Variants in CFAP20DC observed in about 807,000 individuals in gnomAD.
CFAP20DC encodes the protein CFAP20 domain containing.
Under a neutral mutation model 101.7 loss-of-function variants are expected in CFAP20DC, and 84 were observed. The ratio of observed to expected loss-of-function variants is 0.83; its 90% confidence interval spans 0.69 to 0.99. The LOEUF (loss-of-function observed/expected upper bound fraction) is 0.99, where lower values mean the gene tolerates loss of function less well. Among genes scored for constraint, CFAP20DC ranks in the 50% least tolerant of loss-of-function variants. The pLI, the probability that CFAP20DC is intolerant of heterozygous loss-of-function variation, is 0.00. For missense variants in CFAP20DC, 1,007 were observed against 970.3 expected, an observed-to-expected ratio of 1.04 and a Z score of -0.50; for synonymous variants, 359 against 351.2, an observed-to-expected ratio of 1.02 and a Z score of -0.25.
chr3:58,837,706 T>C (rs888216561), intron 13 of CFAP20DC, among the ~76,000 whole-genome samples: 1 of 152,192 alleles, frequency 6.6e-6, no homozygotes, highest in Non-Finnish European at 1.5e-5. Flanking sequence ...AGAGTCAGTA[T>C]CACTGGTGGT....
intron 16 of CFAP20DC, among the ~76,000 whole-genome samples, chr3:58,744,373 C>T (rs548316012): frequency 1.3e-5 from 2 of 152,198 alleles, no homozygotes; most frequent in East Asian, 1.9e-4. Context: ...TCTATTCAGT[C>T]GGACCTTGAT....
rs1409380061 is a variant in CFAP20DC at position 58,935,157 on chromosome 3, T to C, written c.393+2491A>G. 8.5e-5 allele frequency among the ~76,000 whole-genome samples: 13 copies of C among 152,286 alleles called. No individual in the cohort carries two copies. The East Asian group carries it at 1.5e-3, about 18-fold the overall frequency. ...GACAATCAGAGAGCCAAATCATGAGTGAACTCCCATTCACAATTGCTTCAA... is the reference window on the plus strand; with the variant it reads ...GACAATCAGAGAGCCAAATCATGAGCGAACTCCCATTCACAATTGCTTCAA... On this transcript the variant is annotated intron_variant, in intron 5 of 16. Transcript: ENST00000482387.
In CFAP20DC at chr3:58,884,588, A is replaced by T; in HGVS notation, c.672T>A (p.Thr224=). 1 of 1,613,982 alleles carries T rather than the reference A, an allele frequency of 6.2e-7. No individual in the cohort carries two copies. Among genetic ancestry groups the T allele is most frequent in the Non-Finnish European group, 8.5e-7 (1 of 1,179,910 alleles). Residue 224 remains threonine, a synonymous_variant, in exon 7 of 17, where the codon ACT becomes ACA. Coordinates refer to ENST00000482387, the MANE Select transcript of CFAP20DC (RefSeq NM_001394063.1). ...GAGGATGGCCTCCGAATTTTATTTC[A>T]GTTTGGCGAAGTTTAGTCATGTTTA... ...QLLNMTKLRQ[T]EIKFGGHPLR... is the part of the protein sequence containing the mutation.
chr3:58,989,457 A>G (rs986636831), intron 4 of CFAP20DC, among the ~76,000 whole-genome samples: 1 of 152,150 alleles, frequency 6.6e-6, no homozygotes, highest in Non-Finnish European at 1.5e-5. Context: ...AGTATTCAAT[A>G]TCACTGAAGT....
At chr3:58,818,686 A>G (rs2107877955) in intron 14 of CFAP20DC, among the ~76,000 whole-genome samples, 1 of 130,582 alleles carries the variant, frequency 7.7e-6, no homozygotes, top group Admixed American at 8.0e-5. Flanking sequence ...CCACACATTA[A>G]TAATGGGAGA....
intron 5 of CFAP20DC, among the ~76,000 whole-genome samples, chr3:58,920,968 G>C (rs951956629): frequency 6.6e-6 from 1 of 152,118 alleles, no homozygotes; most frequent in East Asian, 1.9e-4. Context: ...ATAGTTATAA[G>C]GCTATCCACA....
intron 15 of CFAP20DC, among the ~76,000 whole-genome samples, chr3:58,791,911 G>T (rs1271473047): frequency 6.6e-6 from 1 of 152,124 alleles, no homozygotes; most frequent in African/African-American, 2.4e-5. Flanking sequence ...CTAATTAGTT[G>T]GCTAGAATTA....
chr3:59,015,905 G>A lies in CFAP20DC; in HGVS notation c.278+23652C>T, dbSNP rs537273012. Among the ~76,000 whole-genome samples, 2 of 152,098 alleles carry A rather than the reference G, an allele frequency of 1.3e-5. No homozygotes were observed. Among genetic ancestry groups the A allele is most frequent in the Non-Finnish European group, 2.9e-5 (2 of 67,996 alleles). On this transcript the variant is annotated intron_variant, in intron 4 of 16. Transcript: ENST00000482387. The surrounding 1 kb of genome is among the most constrained non-coding windows in gnomAD (Gnocchi z 5.4). ...GGGATTCTCTTTTGAAGCAATGGGCGAGGAACATATGGCCACATTTCCATA... is the reference window on the plus strand; with the variant it reads ...GGGATTCTCTTTTGAAGCAATGGGCAAGGAACATATGGCCACATTTCCATA...
chr3:58,930,001 A>G (rs2086418114), intron 5 of CFAP20DC, among the ~76,000 whole-genome samples: 1 of 151,974 alleles, frequency 6.6e-6, no homozygotes, highest in Non-Finnish European at 1.5e-5. Flanking sequence ...TTCCAGGAGC[A>G]CTACTCTCCC....
intron 13 of CFAP20DC, among the ~76,000 whole-genome samples, chr3:58,839,142 T>C (rs769171574): frequency 1.3e-5 from 2 of 152,186 alleles, no homozygotes; most frequent in African/African-American, 4.8e-5. Context: ...TATACCAACA[T>C]TTGTGTGTGC....
At chr3:58,844,870 G>A (rs1295044883) in intron 13 of CFAP20DC, among the ~76,000 whole-genome samples, 2 of 142,022 alleles carry the variant, frequency 1.4e-5, no homozygotes, top group Non-Finnish European at 3.0e-5. Context: ...ACTCAAAACC[G>A]CTCAACTACG....
chr3:58,755,578 A>AG (rs2107283642), intron 15 of CFAP20DC, among the ~76,000 whole-genome samples: 1 of 152,270 alleles, frequency 6.6e-6, no homozygotes, highest in South Asian at 2.1e-4. Context: ...GAGTTGTGTG[A>AG]ATGTTACGAA....
At chr3:58,840,549 A>C (rs935914847) in intron 13 of CFAP20DC, among the ~76,000 whole-genome samples, 2 of 152,220 alleles carry the variant, frequency 1.3e-5, no homozygotes, top group East Asian at 3.8e-4. Context: ...CAGAAAGCAC[A>C]CAGAAATTCA....
chr3:58,811,473 A>G (rs2074626516), intron 14 of CFAP20DC, among the ~76,000 whole-genome samples: 1 of 152,180 alleles, frequency 6.6e-6, no homozygotes, highest in African/African-American at 2.4e-5. Context: ...CCTATTTAAT[A>G]AATGGTGCTG....
chr3:58,985,270 T>C (rs1328491414), intron 4 of CFAP20DC, among the ~76,000 whole-genome samples: 3 of 152,158 alleles, frequency 2.0e-5, no homozygotes, highest in Admixed American at 6.5e-5. Flanking sequence ...TCTCTTTTTA[T>C]ACTAACACTG....
rs1422534159 is a variant in CFAP20DC, at chr3:58,869,702, C to T, written c.853-212G>A. On this transcript the variant is annotated intron_variant, in intron 8 of 16. Coordinates refer to ENST00000482387, the MANE Select transcript of CFAP20DC (RefSeq NM_001394063.1). The surrounding 1 kb of genome is among the most constrained non-coding windows in gnomAD (Gnocchi z 4.3). Reference sequence around the variant, plus strand: ...GATAAAATAGAAGACATGCAAGTCTCCTAGACACATAAATTAAAATGTGCT... The same window carrying T: ...GATAAAATAGAAGACATGCAAGTCTTCTAGACACATAAATTAAAATGTGCT... Among the ~76,000 whole-genome samples, 1 of 152,094 alleles carries T rather than the reference C, an allele frequency of 6.6e-6. No individual in the cohort carries two copies. Among genetic ancestry groups the T allele is most frequent in the Non-Finnish European group, 1.5e-5 (1 of 68,024 alleles).
chr3:58,725,340 A>T (rs1278741562), intron 3 of CFAP20DC, among the ~76,000 whole-genome samples: 1 of 152,124 alleles, frequency 6.6e-6, no homozygotes, highest in Non-Finnish European at 1.5e-5. Flanking sequence ...TCTGAAGTGG[A>T]GCTCTTTGGA....
At chr3:58,803,917 T>C (rs1227880488) in intron 15 of CFAP20DC, among the ~76,000 whole-genome samples, 1 of 152,230 alleles carries the variant, frequency 6.6e-6, no homozygotes, top group Non-Finnish European at 1.5e-5. Flanking sequence ...TCATATTCTA[T>C]CTTGACAGTA....
At chr3:58,962,243 GT>G (rs1356206307) in intron 4 of CFAP20DC, among the ~76,000 whole-genome samples, 1 of 152,078 alleles carries the variant, frequency 6.6e-6, no homozygotes, top group African/African-American at 2.4e-5. Flanking sequence ...GATCTTTAAA[GT>G]ATTTTCCTTA....
Sources: gnomAD v4.1 joint callset for allele counts (sites outside exome capture counted in the v4.1 genomes callset) on GRCh38, gnomAD v4.1.1 for gene constraint, Gnocchi (gnomAD v3.1) non-coding constraint, MANE v1.5 for transcripts, NCBI Gene and HGNC (gene_info 2026-07-23, HGNC 2026-07-21) for gene names.